FANK1: variants seen among roughly 807,000 people sequenced by gnomAD.
FANK1 encodes fibronectin type 3 and ankyrin repeat domains protein 1.
A neutral mutation model predicts 45.3 loss-of-function variants in FANK1; 44 were observed. The observed-to-expected ratio is 0.97, with a 90% CI of 0.76 to 1.25. The LOEUF is 1.25. Ranked by LOEUF, FANK1 falls within the 50% of genes most tolerant of loss-of-function variation. FANK1 has a pLI of 0.00. For synonymous variants in FANK1, 149 were observed against 152.5 expected (o/e 0.98, Z 0.17); for missense variants, 391 against 424.4 (o/e 0.92, Z 0.69).
chr10:125,992,710 G>T (rs1952030677), intron 3 of FANK1, among the ~76,000 whole-genome samples: 1 of 151,240 alleles, frequency 6.6e-6, no homozygotes, highest in Non-Finnish European at 1.5e-5. Flanking sequence ...GCGCTAGGAA[G>T]TGTCCCCACC....
At chr10:125,989,336 G>C (rs1339161572) in intron 3 of FANK1, 1 of 1,551,114 alleles carries the variant, frequency 6.4e-7, no homozygotes, top group Admixed American at 2.0e-5. Context: ...TGTTCTCCAC[G>C]GCCCACCCAC....
chr10:125,954,695 A>C (rs1949465630), intron 1 of FANK1, among the ~76,000 whole-genome samples: 1 of 152,116 alleles, frequency 6.6e-6, no homozygotes. Context: ...CAAGGTGGGC[A>C]GGTCACTTGA....
chr10:125,974,555 T>C (rs1950734776), intron 1 of FANK1, among the ~76,000 whole-genome samples: 2 of 152,190 alleles, frequency 1.3e-5, no homozygotes, highest in Admixed American at 1.3e-4. Context: ...AATTGCATGC[T>C]ACACAGCTTG....
intron 1 of FANK1, among the ~76,000 whole-genome samples, chr10:125,947,959 C>T (rs1050116585): frequency 4.0e-5 from 6 of 149,956 alleles, no homozygotes; most frequent in African/African-American, 1.5e-4. Context: ...GATTAAGAAT[C>T]TCACTCAAAG....
At chr10:125,911,002 C>G (rs1226188091) in intron 1 of FANK1, among the ~76,000 whole-genome samples, 1 of 150,802 alleles carries the variant, frequency 6.6e-6, no homozygotes, top group Non-Finnish European at 1.5e-5. Flanking sequence ...CCACTGCACT[C>G]CAGCCTGGGT....
At chr10:125,949,427 G>T (rs982213598) in intron 1 of FANK1, among the ~76,000 whole-genome samples, 2 of 152,042 alleles carry the variant, frequency 1.3e-5, no homozygotes, top group Non-Finnish European at 2.9e-5. Context: ...AAAGTCTCAG[G>T]ATACAAAATC....
intron 1 of FANK1, among the ~76,000 whole-genome samples, chr10:125,969,741 G>T (rs1215411530): frequency 6.6e-6 from 1 of 152,110 alleles, no homozygotes; most frequent in East Asian, 1.9e-4. Context: ...GTGAACAAAG[G>T]TCTCTGGTTT....
chr10:125,974,259 C>T (rs1370663853), intron 1 of FANK1, among the ~76,000 whole-genome samples: 3 of 152,152 alleles, frequency 2.0e-5, no homozygotes, highest in Non-Finnish European at 4.4e-5. Flanking sequence ...CTGTGTGCCC[C>T]ACTGGCCTGG....
chr10:125,982,385 T>C (rs1951279099), intron 2 of FANK1, among the ~76,000 whole-genome samples: 1 of 152,228 alleles, frequency 6.6e-6, no homozygotes, highest in South Asian at 2.1e-4. Flanking sequence ...GAGAACGCAC[T>C]CTCACTCTGA....
At chr10:125,960,354 T>C in intron 1 of FANK1, 1 of 213,044 alleles carries the variant, frequency 4.7e-6, no homozygotes, top group South Asian at 6.7e-5. Context: ...GACCTGCAGC[T>C]TGAGCTGCTC....
intron 1 of FANK1, among the ~76,000 whole-genome samples, chr10:125,909,154 T>C (rs1399650462): frequency 6.6e-6 from 1 of 152,234 alleles, no homozygotes; most frequent in African/African-American, 2.4e-5. Context: ...GTAGCTACTT[T>C]CACCCAGGGT....
intron 1 of FANK1, among the ~76,000 whole-genome samples, chr10:125,952,064 T>C (rs944756408): frequency 1.3e-5 from 2 of 152,214 alleles, no homozygotes; most frequent in Non-Finnish European, 2.9e-5. Context: ...GGGGACAAGA[T>C]GTGTCAGATA....
intron 1 of FANK1, among the ~76,000 whole-genome samples, chr10:125,959,487 G>T (rs1949790644): frequency 7.0e-6 from 1 of 143,494 alleles, no homozygotes; most frequent in South Asian, 2.2e-4. Flanking sequence ...AAAAACTTAA[G>T]AATACAAAGA....
At chr10:125,928,107 G>A (rs1009450442) in intron 1 of FANK1, among the ~76,000 whole-genome samples, 3 of 152,054 alleles carry the variant, frequency 2.0e-5, no homozygotes, top group Non-Finnish European at 4.4e-5. Flanking sequence ...AATTCAGGGC[G>A]AGTCCATAGA....
At chr10:126,008,754 T>A (rs1391204490) in intron 8 of FANK1, among the ~76,000 whole-genome samples, 2 of 152,190 alleles carry the variant, frequency 1.3e-5, no homozygotes, top group African/African-American at 4.8e-5. Context: ...ATTTAAGGAC[T>A]AAAGAACCCC....
intron 1 of FANK1, among the ~76,000 whole-genome samples, chr10:125,948,422 A>C (rs1410176005): frequency 6.6e-6 from 1 of 152,214 alleles, no homozygotes; most frequent in Non-Finnish European, 1.5e-5. Context: ...AAAAAATAAT[A>C]AAGGGGATAT....
At chr10:125,938,133 C>G (rs7070013) in intron 1 of FANK1, among the ~76,000 whole-genome samples, 1 of 151,914 alleles carries the variant, frequency 6.6e-6, no homozygotes, top group Non-Finnish European at 1.5e-5. Context: ...AGTTTTGATA[C>G]TATTTTGTAT....
intron 1 of FANK1, 63 bp from the exon 2 acceptor site, chr10:125,980,098 T>C: frequency 6.5e-7 from 1 of 1,539,652 alleles, no homozygotes; most frequent in Non-Finnish European, 8.8e-7. Context: ...TGTAATCCAC[T>C]CGACTGGTCT....
intron 1 of FANK1, among the ~76,000 whole-genome samples, chr10:125,905,040 A>G (rs1462462737): frequency 6.7e-6 from 1 of 148,672 alleles, no homozygotes; most frequent in Middle Eastern, 3.4e-3. Flanking sequence ...CTGAGACAGG[A>G]GAATGGTGTG....
Sources: allele counts gnomAD v4.1 joint callset (sites outside exome capture counted in the v4.1 genomes callset), GRCh38; gene constraint gnomAD v4.1.1; transcripts MANE v1.5; gene names NCBI Gene and HGNC (gene_info 2026-07-23, HGNC 2026-07-21).